GPHN: variants seen among roughly 807,000 people sequenced by gnomAD.
The protein encoded by GPHN is gephyrin.
A neutral mutation model predicts 95.5 loss-of-function variants in GPHN; 17 were observed. That is an observed-to-expected ratio of 0.18 (90% CI 0.12 to 0.27). The LOEUF (loss-of-function observed/expected upper bound fraction) is 0.27. Among genes scored for constraint, GPHN ranks in the 10% least tolerant of loss-of-function variants. The pLI is 1.00. For synonymous variants in GPHN, 320 were observed against 322.5 expected (o/e 0.99, Z 0.08); for missense variants, 660 against 978.1 (o/e 0.67, Z 4.34).
rs375895765 is a variant in GPHN, at chr14:66,512,362, A to T, written c.64+3771A>T. On this transcript the variant is annotated intron_variant, in intron 1 of 22. Coordinates refer to ENST00000478722, the MANE Select transcript of GPHN (RefSeq NM_020806.5). ...TACTAGGAAAATAATGACTACATGTATGTATAGAATGTAGAATCATATAGA... is the reference window on the plus strand; with the variant it reads ...TACTAGGAAAATAATGACTACATGTTTGTATAGAATGTAGAATCATATAGA... Among the ~76,000 whole-genome samples the T allele has an allele frequency of 2.9e-4, 44 of 152,018 alleles. No individual in the cohort carries two copies. In the South Asian group the frequency reaches 3.5e-3, roughly 12 times the overall value.
At chr14:66,838,138 G>A (rs2061932013) in intron 4 of GPHN, among the ~76,000 whole-genome samples, 1 of 152,082 alleles carries the variant, frequency 6.6e-6, no homozygotes, top group South Asian at 2.1e-4. Context: ...TTATTAGTGT[G>A]CAACCCCATG....
chr14:66,674,113 T>TA (rs1313884213), intron 1 of GPHN, among the ~76,000 whole-genome samples: 2 of 151,752 alleles, frequency 1.3e-5, no homozygotes, highest in Non-Finnish European at 2.9e-5. Context: ...CTTTTTTTTT[T>TA]TTTGAGATGG....
chr14:66,542,149 A>T (rs1338980553), intron 1 of GPHN, among the ~76,000 whole-genome samples: 1 of 152,176 alleles, frequency 6.6e-6, no homozygotes, highest in African/African-American at 2.4e-5. Flanking sequence ...TTAAGTTAGT[A>T]TCTGTTAGTG....
the GPHN span, chr14:67,585,076 T>C: frequency 3.3e-5 from 5 of 153,790 alleles, no homozygotes; most frequent in African/African-American, 9.6e-5. Context: ...TTCTTACTGA[T>C]AGGGCCTAAA....
chr14:67,252,294 G>T, the GPHN span, among the ~76,000 whole-genome samples: 1 of 152,032 alleles, frequency 6.6e-6, no homozygotes, highest in East Asian at 1.9e-4. Flanking sequence ...GGCTCAAATA[G>T]GCGTGCACCA....
intron 2 of GPHN, among the ~76,000 whole-genome samples, chr14:66,685,900 A>G: frequency 6.6e-6 from 1 of 152,150 alleles, no homozygotes; most frequent in Non-Finnish European, 1.5e-5. Context: ...TAAGTCTTTA[A>G]TCCATCTTGA....
chr14:67,587,466 A>G, the GPHN span: 79 of 565,592 alleles, frequency 1.4e-4, no homozygotes, highest in African/African-American at 1.4e-3. Flanking sequence ...TCCTTTTTTC[A>G]TAAGAATAAT....
chr14:67,207,337 G>A, the GPHN span, among the ~76,000 whole-genome samples: 143 of 151,980 alleles, frequency 9.4e-4, no homozygotes, highest in Middle Eastern at 3.4e-3. Flanking sequence ...CAGAGAGAGA[G>A]CAAAAGAGAG....
chr14:67,422,776 G>C, the GPHN span, among the ~76,000 whole-genome samples: 1 of 151,082 alleles, frequency 6.6e-6, no homozygotes, highest in Non-Finnish European at 1.5e-5. Context: ...GGCGATTCCA[G>C]AGTAGATGCA....
At chr14:67,073,757 A>G (rs757272182) in intron 11 of GPHN, among the ~76,000 whole-genome samples, 6 of 152,172 alleles carry the variant, frequency 3.9e-5, no homozygotes, top group Non-Finnish European at 8.8e-5. Flanking sequence ...TTATTTTATG[A>G]CATAAGAACT....
chr14:67,569,960 C>T, the GPHN span: 1 of 1,610,206 alleles, frequency 6.2e-7, no homozygotes, highest in Non-Finnish European at 8.5e-7. Context: ...GGGTCTTTCT[C>T]TGGCCTGGTC....
chr14:67,403,865 G>A, the GPHN span, among the ~76,000 whole-genome samples: 40 of 152,210 alleles, frequency 2.6e-4, no homozygotes, highest in South Asian at 7.1e-3. Context: ...CAGTCTGGGC[G>A]CTATAGTGAG....
the GPHN span, chr14:67,678,123 A>G: frequency 1.9e-6 from 1 of 516,538 alleles, no homozygotes; most frequent in Non-Finnish European, 3.5e-6. Flanking sequence ...TAACAGAAGC[A>G]AAGTAAATCT....
intron 1 of GPHN, among the ~76,000 whole-genome samples, chr14:66,679,488 T>C (rs1157070693): frequency 6.6e-6 from 1 of 152,184 alleles, no homozygotes; most frequent in Non-Finnish European, 1.5e-5. Context: ...ATTGTATCAG[T>C]TTTGGGCTAG....
chr14:67,425,321 C>G, the GPHN span, among the ~76,000 whole-genome samples: 1 of 152,258 alleles, frequency 6.6e-6, no homozygotes, highest in Admixed American at 6.5e-5. Context: ...GAGGCCAAGG[C>G]GGGAGAATCA....
the GPHN span, among the ~76,000 whole-genome samples, chr14:67,281,089 G>A: frequency 4.0e-5 from 6 of 151,698 alleles, no homozygotes; most frequent in Non-Finnish European, 5.9e-5. Flanking sequence ...AGTAGAGACC[G>A]GGTTTCACCA....
the GPHN span, chr14:67,621,010 G>C: frequency 6.4e-7 from 1 of 1,568,020 alleles, no homozygotes; most frequent in African/African-American, 1.4e-5. Flanking sequence ...ACTAGTAATA[G>C]ACCACTTCAG....
chr14:67,142,412 G>A (rs558683089), intron 17 of GPHN, among the ~76,000 whole-genome samples: 1 of 152,174 alleles, frequency 6.6e-6, no homozygotes, highest in Admixed American at 6.5e-5. Flanking sequence ...CTCAAGTTAG[G>A]ACTTTTCAAC....
the GPHN span, among the ~76,000 whole-genome samples, chr14:67,703,368 G>C: frequency 6.6e-6 from 1 of 152,270 alleles, no homozygotes; most frequent in Non-Finnish European, 1.5e-5. Flanking sequence ...TGAGTTTAGA[G>C]TTAGGTTTTT....
Sources: allele counts gnomAD v4.1 joint callset (sites outside exome capture counted in the v4.1 genomes callset), GRCh38; gene constraint gnomAD v4.1.1; transcripts MANE v1.5; gene names NCBI Gene and HGNC (gene_info 2026-07-23, HGNC 2026-07-21).